TRIM67: variants seen among roughly 807,000 people sequenced by gnomAD.
TRIM67 encodes tripartite motif containing 67.
Under a neutral mutation model 71.0 loss-of-function variants are expected in TRIM67, and 39 were observed. The ratio of observed to expected loss-of-function variants is 0.55; its 90% confidence interval spans 0.43 to 0.72. The LOEUF (loss-of-function observed/expected upper bound fraction) is 0.72, where lower values mean the gene tolerates loss of function less well. TRIM67 is among the 30% of genes least tolerant of loss of function. The pLI, the probability that TRIM67 is intolerant of heterozygous loss-of-function variation, is 0.00. For synonymous variants in TRIM67, 481 were observed against 473.9 expected (o/e 1.01, Z -0.19); for missense variants, 973 against 1,079.2 (o/e 0.90, Z 1.38).
chr1:231,177,252 G>T (rs1353223398), intron 1 of TRIM67, among the ~76,000 whole-genome samples: 2 of 152,220 alleles, frequency 1.3e-5, no homozygotes, highest in Non-Finnish European at 2.9e-5. Context: ...AGGATTGGAA[G>T]GATGGGGTAG....
Position 231,163,306 on chromosome 1 carries a change from G to A in TRIM67, c.337G>A (p.Gly113Arg), listed in dbSNP as rs1171315643. 3 of 1,519,122 alleles carry A rather than the reference G, an allele frequency of 2.0e-6. No individual in the cohort carries two copies. The highest frequency in any genetic ancestry group is 2.7e-5 in the East Asian group (1 of 37,610). 94.1% of individuals were successfully genotyped at this position (1,519,122 alleles called of 1,614,324 possible). A position where few individuals can be genotyped will look rare whatever the true frequency, so the allele number is the denominator to read the frequency against. The change falls in exon 1 of 10, where the codon GGG (glycine) becomes AGG (arginine). Residue 113 changes from glycine to arginine, a missense_variant. Coordinates refer to ENST00000366653, the MANE Select transcript of TRIM67 (RefSeq NM_001004342.5). ...GTACAGCGAGACAGACAGCGGCTAC[G>A]GGTCCTACACCCCGAGCCTCAAGTC... ...SLYSETDSGYGSYTPSLKSPN... is the reference protein window; with the variant it reads ...SLYSETDSGYRSYTPSLKSPN...
chr1:231,219,491 C>T lies in TRIM67; in HGVS notation c.*4051C>T. 5 of 1,057,726 alleles carry T rather than the reference C, an allele frequency of 4.7e-6. No homozygotes were observed. The highest frequency in any genetic ancestry group is 5.7e-6 in the Non-Finnish European group (5 of 873,872). The allele number at this position is 1,057,726 out of a possible 1,614,324, so 65.5% of individuals were successfully genotyped here. On this transcript the variant is annotated 3_prime_UTR_variant, in exon 10 of 10. Coordinates refer to ENST00000366653, the MANE Select transcript of TRIM67 (RefSeq NM_001004342.5). ...CTTGATACCCAAGCCCAGGATTTTCCATGTGTCTTCAGGGGGCAGGTAGGG... is the reference window on the plus strand; with the variant it reads ...CTTGATACCCAAGCCCAGGATTTTCTATGTGTCTTCAGGGGGCAGGTAGGG...
At chr1:231,181,248 G>A (rs969765483) in intron 1 of TRIM67, among the ~76,000 whole-genome samples, 2 of 152,216 alleles carry the variant, frequency 1.3e-5, no homozygotes, top group Non-Finnish European at 2.9e-5. Context: ...ACAGGCGTGA[G>A]CCACTGCACC....
At chr1:231,185,488 G>A (rs1244176915) in intron 1 of TRIM67, among the ~76,000 whole-genome samples, 3 of 151,848 alleles carry the variant, frequency 2.0e-5, no homozygotes, top group Non-Finnish European at 4.4e-5. Context: ...GGGATGAACA[G>A]GCAGCGAGGG....
At chr1:231,193,768 GCA>G (rs1367988040) in intron 1 of TRIM67, among the ~76,000 whole-genome samples, 1 of 152,092 alleles carries the variant, frequency 6.6e-6, no homozygotes, top group Non-Finnish European at 1.5e-5. Flanking sequence ...GCATCACATG[GCA>G]AGAGAGGAAT....
At chr1:231,183,937 G>GCTTTGCT (rs1253340099) in intron 1 of TRIM67, among the ~76,000 whole-genome samples, 1 of 152,104 alleles carries the variant, frequency 6.6e-6, no homozygotes, top group Non-Finnish European at 1.5e-5. Context: ...TGAAGAAGCA[G>GCTTTGCT]CATATACAGG....
intron 1 of TRIM67, among the ~76,000 whole-genome samples, chr1:231,195,678 T>C (rs1469920543): frequency 1.3e-5 from 2 of 152,236 alleles, no homozygotes; most frequent in East Asian, 3.8e-4. Context: ...TATTTCCACC[T>C]ACTCCCTGTG....
At chr1:231,173,969 T>G (rs1682676918) in intron 1 of TRIM67, among the ~76,000 whole-genome samples, 1 of 152,044 alleles carries the variant, frequency 6.6e-6, no homozygotes, top group South Asian at 2.1e-4. Context: ...TTTGGTTTGG[T>G]GTCTTCTATT....
intron 7 of TRIM67, among the ~76,000 whole-genome samples, chr1:231,208,087 G>T (rs10864674): frequency 0.25 from 37,182 of 148,428 alleles, 5,194 homozygotes; most frequent in East Asian, 0.45. Context: ...TTGGCTCACT[G>T]CAACCTCTGC....
Position 231,219,909 on chromosome 1 carries a change from T to C in TRIM67, c.*4469T>C. 1 of 1,289,918 alleles carries C rather than the reference T, an allele frequency of 7.8e-7. No individual in the cohort carries two copies. The highest frequency in any genetic ancestry group is 1.2e-5 in the South Asian group (1 of 81,028). The allele number at this position is 1,289,918 out of a possible 1,614,324, so 79.9% of individuals were successfully genotyped here. A position where few individuals can be genotyped will look rare whatever the true frequency, so the allele number is the denominator to read the frequency against. On this transcript the variant is annotated 3_prime_UTR_variant, in exon 10 of 10. Coordinates refer to ENST00000366653, the MANE Select transcript of TRIM67 (RefSeq NM_001004342.5). The stretch of plus-strand genomic sequence containing the variant: ...AGGGCAGGTTTCGGGCAGGATGTAT[T>C]GATCAGACACCAAGTTCAGCCCTCG...
intron 1 of TRIM67, among the ~76,000 whole-genome samples, chr1:231,187,213 T>C (rs1683105364): frequency 6.6e-6 from 1 of 152,070 alleles, no homozygotes; most frequent in South Asian, 2.1e-4. Flanking sequence ...AGAAAGAAGA[T>C]GCAGGGAAAA....
chr1:231,169,445 T>C (rs940096463), intron 1 of TRIM67, among the ~76,000 whole-genome samples: 25 of 137,210 alleles, frequency 1.8e-4, no homozygotes, highest in African/African-American at 6.6e-4. Context: ...TGGTGCACCA[T>C]GTCAGTTCAC....
intron 1 of TRIM67, among the ~76,000 whole-genome samples, chr1:231,177,760 TA>T: frequency 6.6e-6 from 1 of 152,370 alleles, no homozygotes; most frequent in East Asian, 1.9e-4. Context: ...ACCAGCTTTA[TA>T]CATCATATGC....
At chr1:231,169,438 T>C (rs1682565914) in intron 1 of TRIM67, among the ~76,000 whole-genome samples, 1 of 136,254 alleles carries the variant, frequency 7.3e-6, no homozygotes, top group African/African-American at 2.7e-5. Flanking sequence ...AGTTCAGTGG[T>C]GCACCATGTC....
In TRIM67 at chr1:231,217,128, G is replaced by C. The variant is rs113267300; in HGVS notation, c.*1688G>C. On this transcript the variant is annotated 3_prime_UTR_variant, in exon 10 of 10. Transcript: ENST00000366653. ...CAGGTACCCCCCCTCCACTCAGCAG[G>C]CCCGACAATCCTACCTCAAAGCTCA... The C allele has an allele frequency of 4.2e-5, 41 of 985,780 alleles. No homozygotes were observed. The Middle Eastern group carries it at 2.1e-3, about 50-fold the overall frequency. The allele number at this position is 985,780 out of a possible 1,614,324, so 61.1% of individuals were successfully genotyped here. A position where few individuals can be genotyped will look rare whatever the true frequency, so the allele number is the denominator to read the frequency against.
intron 8 of TRIM67, among the ~76,000 whole-genome samples, chr1:231,213,564 CA>C (rs1377643844): frequency 2.6e-5 from 4 of 152,008 alleles, no homozygotes; most frequent in Non-Finnish European, 5.9e-5. Flanking sequence ...CCTATCTCTA[CA>C]AAAAACACAA....
rs1571863703 is a variant in TRIM67 at position 231,163,611 on chromosome 1, C to G, written c.642C>G (p.Thr214=). 6.6e-7 allele frequency: 1 copy of G among 1,518,142 alleles called. No homozygotes were observed. Among genetic ancestry groups the G allele is most frequent in the African/African-American group, 1.4e-5 (1 of 69,602 alleles). 94.0% of individuals were successfully genotyped at this position (1,518,142 alleles called of 1,614,324 possible). ...CCATCTGCCAGCTGTGCGACCGCAC[C>G]CCGCCAGAGCCAGCAGCCACGCTCT... The part of the protein sequence containing the change: ...AVAICQLCDR[T]PPEPAATLCE... The change falls in exon 1 of 10, where the codon ACC becomes ACG. Residue 214 remains threonine, a synonymous_variant. Transcript: ENST00000366653.
intron 1 of TRIM67, among the ~76,000 whole-genome samples, chr1:231,174,123 A>G (rs1231376996): frequency 7.0e-6 from 1 of 142,090 alleles, no homozygotes; most frequent in African/African-American, 2.6e-5. Context: ...TTCTTGGATG[A>G]TCTCTTCTTT....
chr1:231,206,929 T>C (rs1159958113), intron 7 of TRIM67, 139 bp downstream of exon 7: 11 of 906,002 alleles, frequency 1.2e-5, no homozygotes, highest in Non-Finnish European at 1.6e-5. Flanking sequence ...TCCAAGGGCG[T>C]GCCCTTCTGG....
Sources: gnomAD v4.1 joint callset for allele counts (sites outside exome capture counted in the v4.1 genomes callset) on GRCh38, gnomAD v4.1.1 for gene constraint, MANE v1.5 for transcripts, NCBI Gene and HGNC (gene_info 2026-07-23, HGNC 2026-07-21) for gene names.